Variants in PARP8 observed in about 807,000 individuals in gnomAD.
The protein encoded by PARP8 is poly(ADP-ribose) polymerase family member 8.
Under a neutral mutation model 124.1 loss-of-function variants are expected in PARP8, and 51 were observed. The ratio of observed to expected loss-of-function variants is 0.41; its 90% CI spans 0.33 to 0.52. The LOEUF is 0.52. Ranked by LOEUF, PARP8 falls within the 20% of genes least tolerant of loss-of-function variation. The pLI is 0.21. For synonymous variants in PARP8, 391 were observed against 361.5 expected, an observed-to-expected ratio of 1.08 and a Z score of -0.93; for missense variants, 860 against 1,018.9, an observed-to-expected ratio of 0.84 and a Z score of 2.12.
intron 14 of PARP8, among the ~76,000 whole-genome samples, chr5:50,814,111 A>T (rs539096565): frequency 7.9e-5 from 12 of 152,212 alleles, no homozygotes; most frequent in African/African-American, 2.4e-4. Flanking sequence ...ATTCTTGTTT[A>T]TGTACTGTTT....
intron 9 of PARP8, among the ~76,000 whole-genome samples, chr5:50,786,558 G>A (rs1194306262): frequency 2.7e-5 from 4 of 150,904 alleles, no homozygotes; most frequent in Non-Finnish European, 4.4e-5. Flanking sequence ...AATAGAGATG[G>A]AGTCTCTCTA....
chr5:50,697,985 G>A (rs1041083217), intron 2 of PARP8, among the ~76,000 whole-genome samples: 1 of 152,074 alleles, frequency 6.6e-6, no homozygotes, highest in African/African-American at 2.4e-5. Context: ...TCAGTGTCAG[G>A]AAGAAAAGCC....
chr5:50,678,330 T>C (rs916160150), intron 2 of PARP8, among the ~76,000 whole-genome samples: 1 of 152,166 alleles, frequency 6.6e-6, no homozygotes, highest in African/African-American at 2.4e-5. Context: ...AAAACATGTT[T>C]GAAATGTGTT....
At chr5:50,786,531 A>AT (rs753027033) in intron 9 of PARP8, among the ~76,000 whole-genome samples, 2,589 of 142,476 alleles carry the variant, frequency 0.018, 67 homozygotes, top group African/African-American at 0.061. Context: ...TGCCTGGCTA[A>AT]TTTTTTTTTT....
At chr5:50,778,685 T>C in intron 9 of PARP8, 35 bp downstream of exon 9, 1 of 1,432,192 alleles carries the variant, frequency 7.0e-7, no homozygotes, top group Non-Finnish European at 9.6e-7. Context: ...ATTTTGAATA[T>C]TAATTAGCTG....
At chr5:50,815,314 C>A (rs1362226020) in intron 14 of PARP8, 118 bp from the exon 15 acceptor site, 2 of 663,090 alleles carry the variant, frequency 3.0e-6, no homozygotes, top group Non-Finnish European at 4.7e-6. Context: ...GTATGATTTC[C>A]TTTTTAAAAA....
chr5:50,796,123 A>C (rs1219708551), intron 12 of PARP8, among the ~76,000 whole-genome samples: 1 of 152,182 alleles, frequency 6.6e-6, no homozygotes, highest in Non-Finnish European at 1.5e-5. Context: ...TCATAGACCT[A>C]TCTTATGTAT....
intron 7 of PARP8, among the ~76,000 whole-genome samples, chr5:50,767,772 A>C (rs929056608): frequency 1.3e-5 from 2 of 152,154 alleles, no homozygotes; most frequent in African/African-American, 4.8e-5. Flanking sequence ...TGGCCCATTC[A>C]CAAACATCTC....
intron 17 of PARP8, 105 bp downstream of exon 17, chr5:50,822,505 T>G (rs1185805290): frequency 1.8e-5 from 15 of 850,222 alleles, no homozygotes; most frequent in Admixed American, 1.2e-4. Flanking sequence ...ATTTAAAAAT[T>G]TGTGCGGTAT....
intron 7 of PARP8, among the ~76,000 whole-genome samples, chr5:50,773,631 A>T (rs114647526): frequency 6.6e-6 from 1 of 151,944 alleles, no homozygotes; most frequent in Non-Finnish European, 1.5e-5. Flanking sequence ...TGCCTTGGCT[A>T]TTTGGGGTCT....
chr5:50,826,934 C>T, intron 19 of PARP8, 131 bp downstream of exon 19: 1 of 1,324,764 alleles, frequency 7.5e-7, no homozygotes, highest in Non-Finnish European at 1.0e-6. Flanking sequence ...AAATATAATT[C>T]TTTAGTTTGA....
intron 2 of PARP8, among the ~76,000 whole-genome samples, chr5:50,731,507 A>G (rs1756972812): frequency 6.6e-6 from 1 of 152,184 alleles, no homozygotes. Flanking sequence ...AAGAAGAAAG[A>G]TGTGCTTGTA....
intron 3 of PARP8, chr5:50,757,078 G>T (rs1385185709): frequency 2.3e-6 from 1 of 439,852 alleles, no homozygotes. Context: ...ACCATCCATT[G>T]ATGAACACTT....
At chr5:50,760,753 A>AGGTT (rs1760466422) in intron 5 of PARP8, among the ~76,000 whole-genome samples, 1 of 152,068 alleles carries the variant, frequency 6.6e-6, no homozygotes, top group Admixed American at 6.6e-5. Flanking sequence ...AGTAACACTG[A>AGGTT]GGTTGTACAT....
chr5:50,668,882 A>G (rs891532825), intron 2 of PARP8: 6 of 152,246 alleles, frequency 3.9e-5, no homozygotes, highest in African/African-American at 1.2e-4. Flanking sequence ...GTAGCCACAT[A>G]TGAGAAGTAC....
rs1219097357 is a variant in PARP8, at chr5:50,844,784, AT to A, written c.*2717del. The A allele has an allele frequency of 6.6e-6, 1 of 151,722 alleles. No individual in the cohort carries two copies. Among genetic ancestry groups the A allele is most frequent in the Non-Finnish European group, 1.5e-5 (1 of 67,750 alleles). 9.4% of individuals were successfully genotyped at this position (151,722 alleles called of 1,614,324 possible). On this transcript the variant is annotated 3_prime_UTR_variant, in exon 26 of 26. Transcript: ENST00000281631. ...TTGCTTATTTTGTAAACATTTTACTATGAATAATCTGTTCTCTTTCACTGTA... is the reference window on the plus strand; with the variant it reads ...TTGCTTATTTTGTAAACATTTTACTAGAATAATCTGTTCTCTTTCACTGTA...
At chr5:50,779,510 C>G (rs1740427089) in intron 9 of PARP8, among the ~76,000 whole-genome samples, 1 of 152,146 alleles carries the variant, frequency 6.6e-6, no homozygotes. Context: ...GAGTGCCTGT[C>G]CGACACATAG....
At chr5:50,791,207 C>T (rs1433332223) in intron 10 of PARP8, among the ~76,000 whole-genome samples, 2 of 152,064 alleles carry the variant, frequency 1.3e-5, no homozygotes, top group African/African-American at 2.4e-5. Context: ...ATTTTATCAA[C>T]AATAGCAACA....
chr5:50,774,323 T>C (rs1761936290), intron 7 of PARP8, among the ~76,000 whole-genome samples: 1 of 152,172 alleles, frequency 6.6e-6, no homozygotes, highest in South Asian at 2.1e-4. Flanking sequence ...ACCATCGTCA[T>C]CATGGCCCGT....
Sources: gnomAD v4.1 joint callset for allele counts (sites outside exome capture counted in the v4.1 genomes callset) on GRCh38, gnomAD v4.1.1 for gene constraint, MANE v1.5 for transcripts, NCBI Gene and HGNC (gene_info 2026-07-23, HGNC 2026-07-21) for gene names.